ALK: variants seen among roughly 807,000 people sequenced by gnomAD.
ALK encodes ALK tyrosine kinase receptor.
A neutral mutation model predicts 163.1 loss-of-function variants in ALK; 74 were observed. The ratio of observed to expected loss-of-function variants is 0.45; its 90% CI spans 0.38 to 0.55. The LOEUF (loss-of-function observed/expected upper bound fraction) is 0.55, where lower values mean the gene tolerates loss of function less well. Among genes scored for constraint, ALK ranks in the 20% least tolerant of loss-of-function variants. ALK has a pLI of 0.00. For synonymous variants in ALK, 960 were observed against 843.2 expected (o/e 1.14, Z -2.40); for missense variants, 2,063 against 2,105.3 (o/e 0.98, Z 0.39).
In ALK at chr2:29,677,953, A is replaced by G. The variant is rs539281963; in HGVS notation, c.952+16897T>C. 2.0e-5 allele frequency among the ~76,000 whole-genome samples: 3 copies of G among 152,154 alleles called. No homozygotes were observed. In the East Asian group the frequency reaches 5.8e-4, roughly 29 times the overall value. On this transcript the variant is annotated intron_variant, in intron 3 of 28. Transcript: ENST00000389048. ...GGGTAGATTTTCAATTACTAATTCA[A>G]GTCTTTACTTGTTATAAGTCTATTC...
chr2:29,861,304 A>C (rs1490962762), intron 1 of ALK, among the ~76,000 whole-genome samples: 1 of 152,220 alleles, frequency 6.6e-6, no homozygotes, highest in East Asian at 1.9e-4. Flanking sequence ...ATATCAGAAC[A>C]GAAATAAATG....
chr2:29,849,955 C>A (rs934112038), intron 1 of ALK, among the ~76,000 whole-genome samples: 1 of 152,026 alleles, frequency 6.6e-6, no homozygotes, highest in African/African-American at 2.4e-5. Flanking sequence ...CAGAGTACAA[C>A]AGTTTTAGAG....
intron 4 of ALK, among the ~76,000 whole-genome samples, chr2:29,444,527 C>T (rs1217567532): frequency 3.3e-5 from 5 of 152,170 alleles, no homozygotes; most frequent in South Asian, 2.1e-4. Context: ...CCCAGGGCTG[C>T]GTTATGACTT....
chr2:29,309,526 A>G (rs1409959520), intron 8 of ALK, among the ~76,000 whole-genome samples: 2 of 152,200 alleles, frequency 1.3e-5, no homozygotes, highest in Non-Finnish European at 2.9e-5. Context: ...TACTGCAGGC[A>G]TTAGCAAGTG....
chr2:29,408,487 A>C lies in ALK; in HGVS notation c.1155-24628T>G, dbSNP rs985118929. Among the ~76,000 whole-genome samples, 9 of 152,190 alleles carry C rather than the reference A, an allele frequency of 5.9e-5. No homozygotes were observed. The East Asian group carries it at 1.5e-3, about 26-fold the overall frequency. Reference sequence around the variant, plus strand: ...GAGCTCAGGATAGGAGCCAGTGGGCAGGGAGCACATGACACAGCTCAGTCA... The same window carrying C: ...GAGCTCAGGATAGGAGCCAGTGGGCCGGGAGCACATGACACAGCTCAGTCA... On this transcript the variant is annotated intron_variant, in intron 4 of 28. Coordinates refer to ENST00000389048, the MANE Select transcript of ALK (RefSeq NM_004304.5).
intron 4 of ALK, among the ~76,000 whole-genome samples, chr2:29,469,835 C>T (rs1056360238): frequency 6.6e-6 from 1 of 152,094 alleles, no homozygotes; most frequent in Non-Finnish European, 1.5e-5. Flanking sequence ...GAACAACAAC[C>T]TTTAGAGCTT....
chr2:29,561,428 G>T (rs749219913), intron 3 of ALK, among the ~76,000 whole-genome samples: 1 of 152,172 alleles, frequency 6.6e-6, no homozygotes, highest in Non-Finnish European at 1.5e-5. Flanking sequence ...TTGGAGGAGG[G>T]GTGTTGGGCT....
At chr2:29,445,759 T>C (rs1670658703) in intron 4 of ALK, among the ~76,000 whole-genome samples, 1 of 151,780 alleles carries the variant, frequency 6.6e-6, no homozygotes, top group Non-Finnish European at 1.5e-5. Flanking sequence ...GAGGTGGAAG[T>C]GGCAGTGAGC....
intron 12 of ALK, among the ~76,000 whole-genome samples, chr2:29,242,464 G>T (rs954055657): frequency 1.3e-5 from 2 of 152,132 alleles, no homozygotes; most frequent in African/African-American, 4.8e-5. Flanking sequence ...TATTTTAGAC[G>T]TTGTTTGTTC....
chr2:29,837,323 G>A (rs961896665), intron 1 of ALK, among the ~76,000 whole-genome samples: 3 of 152,120 alleles, frequency 2.0e-5, no homozygotes, highest in Admixed American at 1.3e-4. Context: ...CTACTGAGGT[G>A]CCTGGAATTT....
intron 4 of ALK, among the ~76,000 whole-genome samples, chr2:29,511,242 C>G (rs534620796): frequency 5.5e-4 from 83 of 152,100 alleles, no homozygotes; most frequent in African/African-American, 1.8e-3. Flanking sequence ...CCATCATCTC[C>G]AACCCTCTCT....
chr2:29,433,738 A>C (rs1250756720), intron 4 of ALK, among the ~76,000 whole-genome samples: 1 of 152,134 alleles, frequency 6.6e-6, no homozygotes, highest in Non-Finnish European at 1.5e-5. Context: ...AAATGAAATG[A>C]TGAGGTACAG....
At chr2:29,489,210 T>C (rs146835724) in intron 4 of ALK, among the ~76,000 whole-genome samples, 3 of 152,342 alleles carry the variant, frequency 2.0e-5, no homozygotes, top group African/African-American at 7.2e-5. Flanking sequence ...TCCCTAAGGC[T>C]TGGCATGATG....
intron 8 of ALK, among the ~76,000 whole-genome samples, chr2:29,301,263 G>C (rs1666360337): frequency 6.6e-6 from 1 of 152,038 alleles, no homozygotes; most frequent in Non-Finnish European, 1.5e-5. Context: ...TTTTCAGGAG[G>C]CCTTTTTCTT....
chr2:29,854,849 T>C (rs566748689), intron 1 of ALK, among the ~76,000 whole-genome samples: 16 of 152,342 alleles, frequency 1.1e-4, no homozygotes, highest in Middle Eastern at 3.4e-3. Context: ...TATAAATTCA[T>C]TGATGTGCGT....
At chr2:29,271,581 T>C (rs1163547627) in intron 11 of ALK, among the ~76,000 whole-genome samples, 2 of 152,206 alleles carry the variant, frequency 1.3e-5, no homozygotes, top group Non-Finnish European at 2.9e-5. Context: ...TTTTAAAAAA[T>C]TGCAGTCTCT....
intron 3 of ALK, among the ~76,000 whole-genome samples, chr2:29,591,077 A>C (rs1675043711): frequency 2.7e-5 from 4 of 146,782 alleles, no homozygotes; most frequent in Non-Finnish European, 4.5e-5. Context: ...TCTCAAAAAA[A>C]AAAAAAAAAA....
rs1031486593 is a variant in ALK at position 29,679,765 on chromosome 2, A to G, written c.952+15085T>C. On this transcript the variant is annotated intron_variant, in intron 3 of 28. Coordinates refer to ENST00000389048, the MANE Select transcript of ALK (RefSeq NM_004304.5). ...TTGTTTAAGCCTTTTATATTAACCC[A>G]TATGTTTACTATTTCTAGTACTCTT... Among the ~76,000 whole-genome samples the G allele has an allele frequency of 1.8e-4, 27 of 151,884 alleles. 1 individual carries two copies. Among genetic ancestry groups the G allele is most frequent in the Non-Finnish European group, 3.8e-4 (26 of 67,874 alleles).
At position 29,222,564 on chromosome 2, in the gene ALK, C is replaced by T. The variant is rs2148169270; in HGVS notation, c.3403G>A (p.Val1135Met). Residue 1135 changes from valine to methionine, a missense_variant, in exon 21 of 29, where the codon GTG becomes ATG. Around this residue, in one of 5 missense-constraint regions of ALK, gnomAD observed 575 missense variants for 626.6 expected, o/e 0.92. Transcript: ENST00000389048. ...CTTGGGTCGTTGGGCATTCCGGACA[C>T]CTGGCCTTCATACACCTCCCCAAAG... ...GAFGEVYEGQ[V>M]SGMPNDPSPL... 2 of 1,614,106 alleles carry T rather than the reference C, an allele frequency of 1.2e-6. No homozygotes were observed. Among genetic ancestry groups the T allele is most frequent in the Non-Finnish European group, 1.7e-6 (2 of 1,180,040 alleles).
Sources: allele counts gnomAD v4.1 joint callset (sites outside exome capture counted in the v4.1 genomes callset), GRCh38; gene constraint gnomAD v4.1.1; regional missense constraint gnomAD v4.1.1; transcripts MANE v1.5; gene names NCBI Gene and HGNC (gene_info 2026-07-23, HGNC 2026-07-21).